Variants in CPNE4 observed in about 807,000 individuals in gnomAD.
CPNE4 encodes copine 4.
A neutral mutation model predicts 67.9 loss-of-function variants in CPNE4; 25 were observed. The ratio of observed to expected loss-of-function variants is 0.37; its 90% CI spans 0.27 to 0.51. The LOEUF (loss-of-function observed/expected upper bound fraction) is 0.51, where lower values mean the gene tolerates loss of function less well. Ranked by LOEUF, CPNE4 falls within the 20% of genes least tolerant of loss-of-function variation. The pLI is 0.93. For missense variants in CPNE4, 464 were observed against 690.8 expected, an observed-to-expected ratio of 0.67 and a Z score of 3.68; for synonymous variants, 242 against 244.9, an observed-to-expected ratio of 0.99 and a Z score of 0.11.
At chr3:131,909,830 ATTAG>A (rs1209097042) in intron 1 of CPNE4, among the ~76,000 whole-genome samples, 1 of 152,022 alleles carries the variant, frequency 6.6e-6, no homozygotes, top group Non-Finnish European at 1.5e-5. Context: ...GCTCTGAATT[ATTAG>A]TTAATGATAG....
At chr3:131,836,604 C>A (rs2085566169) in intron 2 of CPNE4, among the ~76,000 whole-genome samples, 1 of 152,136 alleles carries the variant, frequency 6.6e-6, no homozygotes, top group Non-Finnish European at 1.5e-5. Context: ...TGCAACCAGG[C>A]AAGCAAAAGA....
chr3:131,948,364 G>A (rs920088417), intron 1 of CPNE4, among the ~76,000 whole-genome samples: 1 of 152,326 alleles, frequency 6.6e-6, no homozygotes, highest in Admixed American at 6.5e-5. Context: ...ATCCTGTGAA[G>A]AAGGTGTCTG....
At chr3:132,032,602 A>G (rs939818601) in intron 1 of CPNE4, among the ~76,000 whole-genome samples, 1 of 152,196 alleles carries the variant, frequency 6.6e-6, no homozygotes, top group Non-Finnish European at 1.5e-5. Context: ...CTATTAACAC[A>G]GGTGTTCTGA....
chr3:131,565,905 GAAGA>G (rs1296886892), intron 10 of CPNE4, among the ~76,000 whole-genome samples: 1 of 151,494 alleles, frequency 6.6e-6, no homozygotes, highest in Non-Finnish European at 1.5e-5. Flanking sequence ...ACAAAGGAAA[GAAGA>G]GAGAAATAAT....
chr3:131,830,442 C>T (rs1406802503), intron 2 of CPNE4, among the ~76,000 whole-genome samples: 1 of 152,070 alleles, frequency 6.6e-6, no homozygotes, highest in Non-Finnish European at 1.5e-5. Flanking sequence ...CACTTCACCT[C>T]CCACCATTCC....
intron 7 of CPNE4, among the ~76,000 whole-genome samples, chr3:131,640,854 A>G (rs1009182313): frequency 2.0e-5 from 3 of 152,222 alleles, no homozygotes; most frequent in Non-Finnish European, 1.5e-5. Flanking sequence ...GAACCCAGAA[A>G]TAAAGCCAAA....
intron 4 of CPNE4, among the ~76,000 whole-genome samples, chr3:131,698,426 T>G (rs898870463): frequency 6.6e-6 from 1 of 151,768 alleles, no homozygotes; most frequent in Non-Finnish European, 1.5e-5. Context: ...CGTGGGTCCA[T>G]AGCTTTTCAG....
At chr3:131,819,870 C>A (rs2084898453) in intron 2 of CPNE4, among the ~76,000 whole-genome samples, 1 of 152,100 alleles carries the variant, frequency 6.6e-6, no homozygotes, top group South Asian at 2.1e-4. Flanking sequence ...TTTGACCCTG[C>A]CCAAAGCGCA....
chr3:131,625,286 C>G lies in CPNE4; in HGVS notation c.682-37704G>C, dbSNP rs1045474721. Among the ~76,000 whole-genome samples, 5 of 152,178 alleles carry G rather than the reference C, an allele frequency of 3.3e-5. No individual in the cohort carries two copies. The East Asian group carries it at 9.6e-4, about 29-fold the overall frequency. ...TCCTTTCATCCCTTCTCCATTCTCT[C>G]TAAACAAACATTTATTAGGCCTCTA... is the stretch of plus-strand genomic sequence containing the variant. On this transcript the variant is annotated intron_variant, in intron 7 of 15. Transcript: ENST00000429747.
intron 7 of CPNE4, among the ~76,000 whole-genome samples, chr3:131,654,175 C>T (rs1305733676): frequency 6.6e-6 from 1 of 152,182 alleles, no homozygotes; most frequent in Non-Finnish European, 1.5e-5. Context: ...AGTTTTGCCA[C>T]TGTGGTCCCA....
chr3:131,708,211 G>A (rs1003162489), intron 3 of CPNE4, among the ~76,000 whole-genome samples: 1 of 152,092 alleles, frequency 6.6e-6, no homozygotes, highest in African/African-American at 2.4e-5. Flanking sequence ...TGAGAGCCAT[G>A]AGGAAAAGCT....
chr3:131,792,623 A>ATG (rs1187786028), intron 2 of CPNE4, among the ~76,000 whole-genome samples: 5 of 76,026 alleles, frequency 6.6e-5, no homozygotes, highest in East Asian at 5.9e-4. Flanking sequence ...ATATATGTAT[A>ATG]TATATATACA....
chr3:131,811,656 T>C (rs1431015155), intron 2 of CPNE4, among the ~76,000 whole-genome samples: 1 of 152,190 alleles, frequency 6.6e-6, no homozygotes, highest in African/African-American at 2.4e-5. Context: ...ATAAAAGTTC[T>C]TAGTCCTCTG....
chr3:131,981,273 G>T (rs1044274723), intron 1 of CPNE4, among the ~76,000 whole-genome samples: 30 of 151,762 alleles, frequency 2.0e-4, no homozygotes, highest in African/African-American at 6.5e-4. Context: ...TATGCCCTTT[G>T]TCTTCTGCTA....
At chr3:131,984,150 C>T (rs530706611) in intron 1 of CPNE4, among the ~76,000 whole-genome samples, 3 of 152,238 alleles carry the variant, frequency 2.0e-5, no homozygotes, top group African/African-American at 7.2e-5. Flanking sequence ...TCAGTTGAGA[C>T]TTGTAGATTT....
At chr3:132,037,636 C>T (rs1349764389), upstream of CPNE4, 74 of 1,534,688 alleles carry the variant, frequency 4.8e-5, no homozygotes, top group East Asian at 1.8e-3. Context: ...AGCCAAGCCA[C>T]AAAGTCACTG....
chr3:131,986,336 C>T (rs1363159874), intron 1 of CPNE4, among the ~76,000 whole-genome samples: 5 of 152,142 alleles, frequency 3.3e-5, no homozygotes, highest in Admixed American at 3.3e-4. Context: ...ATTTGAATGA[C>T]ATTGTATATA....
intron 2 of CPNE4, among the ~76,000 whole-genome samples, chr3:131,780,752 A>G (rs1342793184): frequency 6.6e-6 from 1 of 152,028 alleles, no homozygotes; most frequent in Non-Finnish European, 1.5e-5. Context: ...AATTACCTGT[A>G]CATTTTGTCA....
At position 131,936,261 on chromosome 3, in the gene CPNE4, A is replaced by G. The variant is rs79408523; in HGVS notation, c.-1-30817T>C. On this transcript the variant is annotated intron_variant, in intron 1 of 15. Coordinates refer to ENST00000429747, the MANE Select transcript of CPNE4 (RefSeq NM_130808.3). Reference sequence around the variant, plus strand: ...CAGAAGCTGTCCTGGGAGGGAAAAAAGTGAATAAATAGACTTATAAAGGAA... The same window carrying G: ...CAGAAGCTGTCCTGGGAGGGAAAAAGGTGAATAAATAGACTTATAAAGGAA... Among the ~76,000 whole-genome samples the G allele has an allele frequency of 2.4e-4, 36 of 152,126 alleles. No homozygotes were observed. In the East Asian group the frequency reaches 7.0e-3, roughly 30 times the overall value.
Sources: gnomAD v4.1 joint callset for allele counts (sites outside exome capture counted in the v4.1 genomes callset) on GRCh38, gnomAD v4.1.1 for gene constraint, MANE v1.5 for transcripts, NCBI Gene and HGNC (gene_info 2026-07-23, HGNC 2026-07-21) for gene names.